HTR2C: variants seen among roughly 807,000 people sequenced by gnomAD.
HTR2C encodes 5-hydroxytryptamine receptor 2C.
HTR2C carries 5 observed loss-of-function variants against 21.0 expected under a neutral mutation model. The ratio of observed to expected loss-of-function variants is 0.24; its 90% CI spans 0.12 to 0.50. The LOEUF (loss-of-function observed/expected upper bound fraction) is 0.50, where lower values mean the gene tolerates loss of function less well. Among genes scored for constraint, HTR2C ranks in the 20% least tolerant of loss-of-function variants. The pLI, the probability that HTR2C is intolerant of heterozygous loss-of-function variation, is 0.98. For missense variants in HTR2C, 271 were observed against 371.2 expected (o/e 0.73, Z 2.22); for synonymous variants, 150 against 145.3 (o/e 1.03, Z -0.23).
At chrX:114,788,705 T>C (rs1164504617) in intron 4 of HTR2C, among the ~76,000 whole-genome samples, 1 of 111,816 alleles carries the variant, frequency 8.9e-6, no homozygotes, top group African/African-American at 3.3e-5. Context: ...TGGAGTGCTA[T>C]GGCATAATCA....
intron 2 of HTR2C, among the ~76,000 whole-genome samples, chrX:114,679,936 A>G (rs2147854088): frequency 8.9e-6 from 1 of 112,191 alleles, no homozygotes; most frequent in South Asian, 3.7e-4. Context: ...CTCATACTAA[A>G]TTCATAACTT....
intron 5 of HTR2C, among the ~76,000 whole-genome samples, chrX:114,866,298 T>C (rs960579133): frequency 9.1e-6 from 1 of 110,264 alleles, no homozygotes; most frequent in Non-Finnish European, 1.9e-5. Context: ...GTCACTAAGA[T>C]TTTCTCCTAT....
rs183925353 is a variant in HTR2C at position 114,880,506 on chromosome X, A to G, written c.551-26083A>G. ...ATATTAATAGATGAATGCAAATATG[A>G]CCATCATCAATTCTAAAACATTTTC... is the stretch of plus-strand genomic sequence containing the variant. On this transcript the variant is annotated intron_variant, in intron 5 of 5. Coordinates refer to ENST00000276198, the MANE Select transcript of HTR2C (RefSeq NM_000868.4). Among the ~76,000 whole-genome samples, 458 of 110,457 alleles carry G rather than the reference A, an allele frequency of 4.1e-3. 2 individuals carry two copies. The highest frequency in any genetic ancestry group is 6.2e-3 in the Non-Finnish European group (325 of 52,392).
intron 4 of HTR2C, among the ~76,000 whole-genome samples, chrX:114,741,302 C>T (rs1168070854): frequency 2.8e-5 from 3 of 107,018 alleles, no homozygotes; most frequent in Admixed American, 1.0e-4. Context: ...AGGCAGATCA[C>T]GAGGTCAGGA....
At chrX:114,684,749 G>A (rs1343376476) in intron 2 of HTR2C, among the ~76,000 whole-genome samples, 2 of 111,464 alleles carry the variant, frequency 1.8e-5, no homozygotes, top group African/African-American at 6.5e-5. Context: ...ATGGTAGTGG[G>A]AGGATTGTAT....
rs957914324 is a variant in HTR2C at position 114,584,679 on chromosome X, G to A, written c.-147+20G>A. 1.8e-5 allele frequency: 2 copies of A among 111,915 alleles called. No individual in the cohort carries two copies. 9.2% of individuals were successfully genotyped at this position (111,915 alleles called of 1,213,427 possible). A position where few individuals can be genotyped will look rare whatever the true frequency, so the allele number is the denominator to read the frequency against. On this transcript the variant is annotated intron_variant, in intron 1 of 5. Coordinates refer to ENST00000276198, the MANE Select transcript of HTR2C (RefSeq NM_000868.4). ...CTAGTGGTAAGTTGGAGCCCCGGGC[G>A]GCATTGCTAGCCGAGACCCCAACGA...
chrX:114,762,537 A>G (rs2069890458), intron 4 of HTR2C, among the ~76,000 whole-genome samples: 1 of 111,885 alleles, frequency 8.9e-6, no homozygotes, highest in Non-Finnish European at 1.9e-5. Flanking sequence ...TCTCAAAGTG[A>G]AACAATTTTC....
At chrX:114,644,358 A>T (rs5988071) in intron 2 of HTR2C, among the ~76,000 whole-genome samples, 32 of 16,472 alleles carry the variant, frequency 1.9e-3, no homozygotes, top group Non-Finnish European at 2.5e-3. Flanking sequence ...TAAATAAATA[A>T]ATAAATATAT....
chrX:114,620,878 A>AT (rs1187675287), intron 2 of HTR2C, among the ~76,000 whole-genome samples: 35 of 106,424 alleles, frequency 3.3e-4, no homozygotes, highest in Admixed American at 1.1e-3. Context: ...TGAGTTCTGC[A>AT]TTTTTTTTTT....
intron 2 of HTR2C, among the ~76,000 whole-genome samples, chrX:114,693,788 G>A (rs1039503675): frequency 8.9e-6 from 1 of 111,835 alleles, no homozygotes; most frequent in Non-Finnish European, 1.9e-5. Context: ...ACAGTCACCC[G>A]ACACAAATGA....
chrX:114,671,074 T>C (rs782363102), intron 2 of HTR2C, among the ~76,000 whole-genome samples: 6 of 112,105 alleles, frequency 5.4e-5, no homozygotes, highest in African/African-American at 1.6e-4. Context: ...TTTGGATCAA[T>C]AATTTTAATT....
chrX:114,794,774 C>T (rs2070273078), intron 4 of HTR2C, among the ~76,000 whole-genome samples: 1 of 109,323 alleles, frequency 9.1e-6, no homozygotes, highest in South Asian at 4.0e-4. Context: ...TCCAGTCTAT[C>T]ATTGTTGGAC....
At chrX:114,809,720 A>G (rs2070513570) in intron 4 of HTR2C, among the ~76,000 whole-genome samples, 2 of 111,023 alleles carry the variant, frequency 1.8e-5, no homozygotes, top group African/African-American at 6.6e-5. Context: ...TCCAAGAACC[A>G]AGGCCTGGAA....
chrX:114,893,164 C>T (rs1243461173), intron 5 of HTR2C, among the ~76,000 whole-genome samples: 1 of 110,258 alleles, frequency 9.1e-6, no homozygotes, highest in Non-Finnish European at 1.9e-5. Flanking sequence ...ATCCACCCGC[C>T]TCAGCCTCCC....
chrX:114,869,303 T>C (rs782535246), intron 5 of HTR2C, among the ~76,000 whole-genome samples: 19 of 111,904 alleles, frequency 1.7e-4, no homozygotes, highest in Non-Finnish European at 3.2e-4. Context: ...AATAAACATA[T>C]GTGTGCATGT....
At chrX:114,635,140 G>A (rs947313040) in intron 2 of HTR2C, among the ~76,000 whole-genome samples, 15 of 41,396 alleles carry the variant, frequency 3.6e-4, no homozygotes, top group African/African-American at 5.3e-4. Flanking sequence ...GTAAACCTGC[G>A]TGTTACATGC....
intron 4 of HTR2C, among the ~76,000 whole-genome samples, chrX:114,817,977 A>G (rs1007591564): frequency 8.9e-6 from 1 of 111,972 alleles, no homozygotes; most frequent in Non-Finnish European, 1.9e-5. Flanking sequence ...CCAGCAGTAT[A>G]TAAGAAAGAT....
At chrX:114,841,459 C>T (rs1043303916) in intron 4 of HTR2C, among the ~76,000 whole-genome samples, 9 of 112,081 alleles carry the variant, frequency 8.0e-5, no homozygotes, top group African/African-American at 2.6e-4. Flanking sequence ...AACTTACTTG[C>T]GGCTGGGCGC....
chrX:114,883,264 C>T (rs1161504045), intron 5 of HTR2C, among the ~76,000 whole-genome samples: 2 of 110,700 alleles, frequency 1.8e-5, no homozygotes, highest in African/African-American at 6.5e-5. Flanking sequence ...TGTCATCTAT[C>T]TACCTATCTA....
Sources: allele counts gnomAD v4.1 joint callset (sites outside exome capture counted in the v4.1 genomes callset), GRCh38; gene constraint gnomAD v4.1.1; transcripts MANE v1.5; gene names NCBI Gene and HGNC (gene_info 2026-07-23, HGNC 2026-07-21).